The following RAP1B variants were observed in gnomAD, a reference collection of about 807,000 sequenced individuals.
RAP1B encodes RAP1B, member of RAS oncogene family.
RAP1B carries 1 observed loss-of-function variant against 27.5 expected under a neutral mutation model. The observed-to-expected ratio is 0.04, with a 90% CI of 0.01 to 0.17. RAP1B has a LOEUF of 0.17. Ranked by LOEUF, RAP1B falls within the 10% of genes least tolerant of loss-of-function variation. The probability of loss-of-function intolerance (pLI) is 1.00; values close to 1 mark genes in which losing one functional copy is unlikely to be tolerated. For synonymous variants in RAP1B, 75 were observed against 73.1 expected (o/e 1.03, Z -0.13); for missense variants, 84 against 214.8 (o/e 0.39, Z 3.81).
Position 68,657,141 on chromosome 12 carries a change from C to T in RAP1B, c.509C>T (p.Pro170Leu), listed in dbSNP as rs1216665204. Residue 170 changes from proline (P) to leucine (L), a missense_variant, in exon 7 of 8, where the codon CCA (proline) becomes CTA (leucine). By Grantham distance (98) the Pro-to-Leu change is moderately conservative (BLOSUM62 -3). Coordinates refer to ENST00000250559, the MANE Select transcript of RAP1B (RefSeq NM_001010942.3). ...GTGCGGCAAATTAACAGAAAAACTC[C>T]AGTGCCTGGGAAGGCTCGCAAAAAG... ...DLVRQINRKTPVPGKARKKSS... is the reference protein window; with the variant it reads ...DLVRQINRKTLVPGKARKKSS... The T allele has an allele frequency of 6.2e-7, 1 of 1,613,638 alleles. No individual in the cohort carries two copies. The highest frequency in any genetic ancestry group is 8.5e-7 in the Non-Finnish European group (1 of 1,179,780).
chr12:68,627,525 A>G (rs1737169615), intron 1 of RAP1B: 1 of 249,866 alleles, frequency 4.0e-6, no homozygotes. Flanking sequence ...CTTCACATTT[A>G]AATTTGACCT....
At position 68,664,193 on chromosome 12, in the gene RAP1B, A is replaced by G. The variant is rs2135979789; in HGVS notation, c.*4944A>G. The G allele has an allele frequency of 6.6e-6, 1 of 152,322 alleles. No individual in the cohort carries two copies. The highest frequency in any genetic ancestry group is 1.9e-4 in the East Asian group (1 of 5,192). 9.4% of individuals were successfully genotyped at this position (152,322 alleles called of 1,614,324 possible). On this transcript the variant is annotated 3_prime_UTR_variant, in exon 8 of 8. Transcript: ENST00000250559. ...TTACAGGATTTTTATGTAATAATAT[A>G]TTCACTTCAGTCAGGTTTCAGTTTT...
At chr12:68,654,065 C>T in intron 4 of RAP1B, 47 bp from the exon 5 acceptor site, 1 of 1,479,984 alleles carries the variant, frequency 6.8e-7, no homozygotes, top group Non-Finnish European at 9.4e-7. Context: ...GTAAAAATAA[C>T]TGTCAAAACA....
intron 1 of RAP1B, among the ~76,000 whole-genome samples, chr12:68,638,098 C>T (rs1041225322): frequency 6.6e-6 from 1 of 152,122 alleles, no homozygotes; most frequent in Non-Finnish European, 1.5e-5. Context: ...TAAAGGTAAT[C>T]TGTTGTTGGC....
At chr12:68,656,052 CTT>C (rs1196629239) in intron 5 of RAP1B, among the ~76,000 whole-genome samples, 1 of 152,144 alleles carries the variant, frequency 6.6e-6, no homozygotes, top group Non-Finnish European at 1.5e-5. Flanking sequence ...TTCTTTCTCT[CTT>C]TTCTTCCCTT....
rs1491463182 is a variant in RAP1B, at chr12:68,669,933, TTC to T, written c.*10686_*10687del. On this transcript the variant is annotated 3_prime_UTR_variant, in exon 8 of 8. Transcript: ENST00000250559. Reference sequence around the variant, plus strand: ...GTGACAAAAATATATTTCTTTTTCTTTCTTTTTTTTTTTTTTTTTTTTGAGAC... The same window carrying T: ...GTGACAAAAATATATTTCTTTTTCTTTTTTTTTTTTTTTTTTTTTTGAGAC... 3.0e-5 allele frequency: 3 copies of T among 99,942 alleles called. No homozygotes were observed. The highest frequency in any genetic ancestry group is 6.3e-5 in the Non-Finnish European group (3 of 47,784). The allele number at this position is 99,942 out of a possible 1,614,324, so 6.2% of individuals were successfully genotyped here. A position where few individuals can be genotyped will look rare whatever the true frequency, so the allele number is the denominator to read the frequency against.
At chr12:68,642,589 G>C in intron 1 of RAP1B, 1 of 1,040,160 alleles carries the variant, frequency 9.6e-7, no homozygotes, top group East Asian at 2.4e-5. Flanking sequence ...GGAAAGCTTC[G>C]TTCAAGTCCT....
At chr12:68,625,175 G>C (rs1201616642) in intron 1 of RAP1B, among the ~76,000 whole-genome samples, 4 of 152,210 alleles carry the variant, frequency 2.6e-5, no homozygotes, top group Non-Finnish European at 5.9e-5. Context: ...GTAATTAAGT[G>C]TTTATTCATA....
rs539985094 is a variant in RAP1B, at chr12:68,668,873, C to T, written c.*9624C>T. On this transcript the variant is annotated 3_prime_UTR_variant, in exon 8 of 8. Transcript: ENST00000250559. ...AATAATACTAGTTATTTCTTGGACA[C>T]CCTAAGATGTGCCACCATTGCTCTA... 6.6e-6 allele frequency: 1 copy of T among 152,150 alleles called. No homozygotes were observed. The highest frequency in any genetic ancestry group is 2.4e-5 in the African/African-American group (1 of 41,422). 9.4% of individuals were successfully genotyped at this position (152,150 alleles called of 1,614,324 possible). A position where few individuals can be genotyped will look rare whatever the true frequency, so the allele number is the denominator to read the frequency against.
At chr12:68,657,947 G>A (rs1874346805) in intron 7 of RAP1B, among the ~76,000 whole-genome samples, 1 of 151,614 alleles carries the variant, frequency 6.6e-6, no homozygotes, top group South Asian at 2.1e-4. Flanking sequence ...TAAGTTCCAG[G>A]ATACATGTGC....
At chr12:68,628,921 T>A (rs1200007268) in intron 1 of RAP1B, among the ~76,000 whole-genome samples, 1 of 152,226 alleles carries the variant, frequency 6.6e-6, no homozygotes, top group Non-Finnish European at 1.5e-5. Context: ...TGGATTCTAA[T>A]CCTAAATCTA....
chr12:68,623,175 G>A (rs1871505315), intron 1 of RAP1B, among the ~76,000 whole-genome samples: 1 of 152,126 alleles, frequency 6.6e-6, no homozygotes, highest in Admixed American at 6.6e-5. Flanking sequence ...AAGGTTTTTA[G>A]CAAAGACATG....
At chr12:68,639,813 C>A (rs1281138338) in intron 1 of RAP1B, among the ~76,000 whole-genome samples, 1 of 151,904 alleles carries the variant, frequency 6.6e-6, no homozygotes, top group African/African-American at 2.4e-5. Flanking sequence ...ACTTCAGCCA[C>A]AAACTAATTA....
At chr12:68,653,613 T>C (rs568335504) in intron 4 of RAP1B, among the ~76,000 whole-genome samples, 10 of 152,144 alleles carry the variant, frequency 6.6e-5, no homozygotes, top group Non-Finnish European at 1.5e-4. Context: ...AAATCGACTT[T>C]GGTGTATTGT....
intron 1 of RAP1B, among the ~76,000 whole-genome samples, chr12:68,621,836 C>G (rs906159583): frequency 2.6e-5 from 4 of 152,214 alleles, no homozygotes; most frequent in African/African-American, 9.6e-5. Flanking sequence ...AATTTCATCA[C>G]TAAGCAGTTT....
At chr12:68,618,992 C>G (rs919416790) in intron 1 of RAP1B, among the ~76,000 whole-genome samples, 5 of 152,046 alleles carry the variant, frequency 3.3e-5, no homozygotes, top group Non-Finnish European at 7.4e-5. Flanking sequence ...TACAGCTACT[C>G]TGGAGGCTGA....
intron 1 of RAP1B, among the ~76,000 whole-genome samples, chr12:68,615,331 C>G (rs1180837833): frequency 6.6e-6 from 1 of 151,696 alleles, no homozygotes; most frequent in Non-Finnish European, 1.5e-5. Context: ...AATTTAAATT[C>G]CCTAAAATAA....
rs1250230635 is a variant in RAP1B, at chr12:68,661,058, A to G, written c.*1809A>G. 1 of 152,188 alleles carries G rather than the reference A, an allele frequency of 6.6e-6. No homozygotes were observed. Among genetic ancestry groups the G allele is most frequent in the African/African-American group, 2.4e-5 (1 of 41,448 alleles). 9.4% of individuals were successfully genotyped at this position (152,188 alleles called of 1,614,324 possible). ...TGTAAAGCTCTTAAAAAACTTTTTGAAAGTATTTGCCAGCTACTGGAGCAA... is the reference window on the plus strand; with the variant it reads ...TGTAAAGCTCTTAAAAAACTTTTTGGAAGTATTTGCCAGCTACTGGAGCAA... On this transcript the variant is annotated 3_prime_UTR_variant, in exon 8 of 8. Coordinates refer to ENST00000250559, the MANE Select transcript of RAP1B (RefSeq NM_001010942.3).
At chr12:68,630,254 A>G (rs1204162008) in intron 1 of RAP1B, among the ~76,000 whole-genome samples, 2 of 152,224 alleles carry the variant, frequency 1.3e-5, no homozygotes, top group South Asian at 2.1e-4. Context: ...AAAGGACCTG[A>G]TAACTATTTT....
Sources: gnomAD v4.1 joint callset for allele counts (sites outside exome capture counted in the v4.1 genomes callset) on GRCh38, gnomAD v4.1.1 for gene constraint, MANE v1.5 for transcripts, NCBI Gene and HGNC (gene_info 2026-07-23, HGNC 2026-07-21) for gene names.